Variants in GBE1 observed in about 807,000 individuals in gnomAD.
GBE1 encodes 1,4-alpha-glucan-branching enzyme.
In GBE1, 70 loss-of-function variants were observed where a neutral mutation model predicts 88.8. The observed-to-expected ratio is 0.79, with a 90% CI of 0.65 to 0.96. GBE1 has a LOEUF of 0.96. Among genes scored for constraint, GBE1 ranks in the 40% least tolerant of loss-of-function variants. The pLI is 0.00. For synonymous variants in GBE1, 284 were observed against 300.1 expected (o/e 0.95, Z 0.56); for missense variants, 872 against 871.0 (o/e 1.00, Z -0.01).
intron 12 of GBE1, among the ~76,000 whole-genome samples, chr3:81,566,654 T>C (rs967665138): frequency 2.0e-5 from 3 of 152,166 alleles, no homozygotes; most frequent in African/African-American, 7.2e-5. Flanking sequence ...TTCAAACATC[T>C]CTTATTCCTT....
chr3:81,575,933 T>C (rs906253958), intron 12 of GBE1, among the ~76,000 whole-genome samples: 6 of 152,176 alleles, frequency 3.9e-5, no homozygotes, highest in Admixed American at 2.6e-4. Flanking sequence ...TGGTATAAGG[T>C]TCCTCATCAG....
At chr3:81,566,034 CTTTG>C (rs938518195) in intron 12 of GBE1, among the ~76,000 whole-genome samples, 2 of 152,160 alleles carry the variant, frequency 1.3e-5, no homozygotes, top group African/African-American at 2.4e-5. Context: ...TTCGGGTTTG[CTTTG>C]TTTGTTACGG....
At chr3:81,509,657 TC>T (rs1362633932) in intron 14 of GBE1, 1 of 151,896 alleles carries the variant, frequency 6.6e-6, no homozygotes, top group African/African-American at 2.4e-5. Context: ...CTTTGCAGTC[TC>T]CTCCTTGGGT....
At chr3:81,641,359 G>A (rs1039644755) in intron 7 of GBE1, among the ~76,000 whole-genome samples, 1 of 151,898 alleles carries the variant, frequency 6.6e-6, no homozygotes, top group Non-Finnish European at 1.5e-5. Flanking sequence ...GCAGTTTTTT[G>A]CCAATAAAAG....
At chr3:81,491,800 CAAAT>C (rs1253315354) in intron 15 of GBE1, among the ~76,000 whole-genome samples, 1 of 151,856 alleles carries the variant, frequency 6.6e-6, no homozygotes, top group Non-Finnish European at 1.5e-5. Context: ...AAAACTCAAA[CAAAT>C]AGAACAGTTG....
intron 2 of GBE1, among the ~76,000 whole-genome samples, chr3:81,691,944 G>A (rs575810886): frequency 1.6e-4 from 24 of 152,014 alleles, no homozygotes; most frequent in Non-Finnish European, 2.5e-4. Flanking sequence ...ACGAGTTGAC[G>A]GACAGGAGCC....
chr3:81,654,700 C>T (rs1182648393), intron 3 of GBE1: 1 of 152,086 alleles, frequency 6.6e-6, no homozygotes, highest in Non-Finnish European at 1.5e-5. Flanking sequence ...ATCAAGATAA[C>T]TATTTGATAG....
At position 81,643,439 on chromosome 3, in the gene GBE1, C is replaced by T. The variant is rs190994698; in HGVS notation, c.783-449G>A. 1.5e-3 allele frequency among the ~76,000 whole-genome samples: 227 copies of T among 152,174 alleles called. 1 individual carries two copies. Among genetic ancestry groups the T allele is most frequent in the African/African-American group, 5.3e-3 (222 of 41,530 alleles). On this transcript the variant is annotated intron_variant, in intron 6 of 15. Transcript: ENST00000429644. ...ATCCCTCCTGCACTTATTCCAAAAA[C>T]AGAATGCCCACAGTTACCAGTGGGC...
intron 3 of GBE1, among the ~76,000 whole-genome samples, chr3:81,665,535 C>CAAAAA (rs1244162448): frequency 1.1e-5 from 1 of 90,090 alleles, no homozygotes. Context: ...GACTCCGTCT[C>CAAAAA]AAAAAAAAAA....
intron 12 of GBE1, among the ~76,000 whole-genome samples, chr3:81,577,721 C>T (rs1232657124): frequency 1.3e-5 from 2 of 152,084 alleles, no homozygotes; most frequent in Admixed American, 6.6e-5. Context: ...AGCTTTTAGA[C>T]TATACTTTTG....
intron 15 of GBE1, among the ~76,000 whole-genome samples, chr3:81,491,603 A>C (rs1448383225): frequency 3.3e-5 from 5 of 152,200 alleles, no homozygotes; most frequent in African/African-American, 1.2e-4. Context: ...TTAACAAAGC[A>C]AACAGTAAAA....
Position 81,715,461 on chromosome 3 carries a change from T to G in GBE1, c.144-9848A>C, listed in dbSNP as rs55980200. Among the ~76,000 whole-genome samples the G allele has an allele frequency of 5.0e-3, 768 of 152,338 alleles. 2 individuals are homozygous for G. The highest frequency in any genetic ancestry group is 0.018 in the African/African-American group (737 of 41,584). On this transcript the variant is annotated intron_variant, in intron 1 of 15. Coordinates refer to ENST00000429644, the MANE Select transcript of GBE1 (RefSeq NM_000158.4). ...CCCACCATTTCACTTCTGCTCAAAC[T>G]GCAGGTCGGTGGTTTTTCACTCAAG...
chr3:81,535,444 C>G, intron 13 of GBE1, 119 bp from the exon 14 acceptor site: 1 of 949,660 alleles, frequency 1.1e-6, no homozygotes, highest in Non-Finnish European at 1.5e-6. Flanking sequence ...TTTCAGAACA[C>G]TATATTTTTT....
chr3:81,620,246 G>T (rs1165879313), intron 7 of GBE1, among the ~76,000 whole-genome samples: 1 of 150,048 alleles, frequency 6.7e-6, no homozygotes, highest in Non-Finnish European at 1.5e-5. Context: ...GCAGTGGCAC[G>T]ATCTCTGCCC....
intron 7 of GBE1, among the ~76,000 whole-genome samples, chr3:81,627,292 A>G (rs1292742226): frequency 1.3e-5 from 2 of 152,196 alleles, no homozygotes; most frequent in Non-Finnish European, 2.9e-5. Flanking sequence ...TTATTTATTC[A>G]TTCAACAAAT....
intron 1 of GBE1, among the ~76,000 whole-genome samples, chr3:81,759,786 T>G: frequency 6.6e-6 from 1 of 151,966 alleles, no homozygotes; most frequent in East Asian, 1.9e-4. Flanking sequence ...CCCAGTGGAG[T>G]TGGAAATAAA....
At chr3:81,527,672 A>C (rs990041766) in intron 14 of GBE1, among the ~76,000 whole-genome samples, 12 of 152,156 alleles carry the variant, frequency 7.9e-5, no homozygotes, top group African/African-American at 2.9e-4. Context: ...ATGAGATACC[A>C]TCTCACACCA....
At chr3:81,531,584 A>C (rs1703012214) in intron 14 of GBE1, among the ~76,000 whole-genome samples, 1 of 151,830 alleles carries the variant, frequency 6.6e-6, no homozygotes, top group African/African-American at 2.4e-5. Flanking sequence ...CAGGGAAGCA[A>C]GTTCCCTTAA....
intron 1 of GBE1, among the ~76,000 whole-genome samples, chr3:81,734,356 TTCAAATTACTA>T (rs1215569128): frequency 2.0e-5 from 3 of 152,192 alleles, no homozygotes; most frequent in Admixed American, 1.3e-4. Context: ...GTACCTTCTT[TTCAAATTACTA>T]TCAAGTTCTT....
Sources: gnomAD v4.1 joint callset for allele counts (sites outside exome capture counted in the v4.1 genomes callset) on GRCh38, gnomAD v4.1.1 for gene constraint, MANE v1.5 for transcripts, NCBI Gene and HGNC (gene_info 2026-07-23, HGNC 2026-07-21) for gene names.